EXOC6B: variants seen among roughly 807,000 people sequenced by gnomAD.
The protein encoded by EXOC6B is exocyst complex component 6B.
EXOC6B carries 54 observed loss-of-function variants against 113.5 expected under a neutral mutation model. The observed-to-expected ratio is 0.48, with a 90% CI of 0.38 to 0.60. The LOEUF (loss-of-function observed/expected upper bound fraction) is 0.60. Ranked by LOEUF, EXOC6B falls within the 20% of genes least tolerant of loss-of-function variation. The pLI is 0.00. For synonymous variants in EXOC6B, 357 were observed against 339.0 expected (o/e 1.05, Z -0.58); for missense variants, 797 against 977.5 (o/e 0.82, Z 2.46).
At chr2:72,183,612 T>C (rs1273479135) in intron 21 of EXOC6B, among the ~76,000 whole-genome samples, 2 of 152,058 alleles carry the variant, frequency 1.3e-5, no homozygotes, top group Non-Finnish European at 2.9e-5. Context: ...AGATGAAGGT[T>C]TCAATAATTC....
intron 20 of EXOC6B, among the ~76,000 whole-genome samples, chr2:72,206,735 C>A (rs1239316221): frequency 6.6e-6 from 1 of 152,076 alleles, no homozygotes; most frequent in Non-Finnish European, 1.5e-5. Context: ...TAAGGATACA[C>A]TTTATAATAA....
At chr2:72,315,866 T>G (rs1687484689) in intron 20 of EXOC6B, among the ~76,000 whole-genome samples, 1 of 152,202 alleles carries the variant, frequency 6.6e-6, no homozygotes, top group East Asian at 1.9e-4. Flanking sequence ...AATGTTCTAT[T>G]ATCATAACTG....
At chr2:72,811,761 A>G (rs1230202381) in intron 1 of EXOC6B, among the ~76,000 whole-genome samples, 5 of 152,334 alleles carry the variant, frequency 3.3e-5, no homozygotes, top group African/African-American at 7.2e-5. Flanking sequence ...GGTTCATTCA[A>G]TGTTCAAAAC....
chr2:72,615,602 A>C (rs1170192929), intron 6 of EXOC6B, among the ~76,000 whole-genome samples: 2 of 151,916 alleles, frequency 1.3e-5, no homozygotes, highest in Admixed American at 6.6e-5. Flanking sequence ...AAAAAAAAAA[A>C]AAACCACTGT....
intron 20 of EXOC6B, among the ~76,000 whole-genome samples, chr2:72,226,787 G>C (rs1681270466): frequency 6.6e-6 from 1 of 152,190 alleles, no homozygotes; most frequent in African/African-American, 2.4e-5. Flanking sequence ...AGTAGACCTG[G>C]CACATCAGTG....
At chr2:72,438,248 A>C (rs1347987623) in intron 18 of EXOC6B, among the ~76,000 whole-genome samples, 1 of 152,120 alleles carries the variant, frequency 6.6e-6, no homozygotes, top group Non-Finnish European at 1.5e-5. Context: ...TCAATCAGAA[A>C]AACACCAGAA....
chr2:72,475,011 T>C (rs956897341), intron 17 of EXOC6B, among the ~76,000 whole-genome samples: 3 of 152,298 alleles, frequency 2.0e-5, no homozygotes, highest in South Asian at 4.1e-4. Context: ...TTCCTTCAGG[T>C]ATAAATAGTA....
At chr2:72,774,913 C>T (rs533179749) in intron 1 of EXOC6B, among the ~76,000 whole-genome samples, 2 of 152,286 alleles carry the variant, frequency 1.3e-5, no homozygotes, top group South Asian at 2.1e-4. Flanking sequence ...CCCTCCCTAC[C>T]AGGTTCAATA....
chr2:72,294,220 A>C (rs1018281174), intron 20 of EXOC6B, among the ~76,000 whole-genome samples: 2 of 152,140 alleles, frequency 1.3e-5, no homozygotes, highest in African/African-American at 2.4e-5. Flanking sequence ...AAAGATAAAC[A>C]GAAAGAAAAG....
chr2:72,445,266 A>G (rs113985187), intron 18 of EXOC6B, among the ~76,000 whole-genome samples: 1,817 of 152,284 alleles, frequency 0.012, 58 homozygotes, highest in African/African-American at 0.042. Context: ...CCTCAGCCTG[A>G]ACCTTATTGT....
intron 8 of EXOC6B, among the ~76,000 whole-genome samples, chr2:72,528,778 C>A (rs777009854): frequency 6.6e-5 from 10 of 151,952 alleles, no homozygotes; most frequent in Non-Finnish European, 1.3e-4. Flanking sequence ...CTAAGTATTT[C>A]TTTTTGTTAA....
intron 3 of EXOC6B, among the ~76,000 whole-genome samples, chr2:72,731,911 TAACAGAG>T (rs1410629290): frequency 6.6e-6 from 1 of 152,198 alleles, no homozygotes; most frequent in African/African-American, 2.4e-5. Flanking sequence ...AGAAGCATGA[TAACAGAG>T]AACAGTCATG....
intron 20 of EXOC6B, among the ~76,000 whole-genome samples, chr2:72,196,835 C>T (rs2104311079): frequency 6.6e-6 from 1 of 152,266 alleles, no homozygotes; most frequent in South Asian, 2.1e-4. Context: ...CGAGCCACTT[C>T]AAGTCTACTT....
intron 3 of EXOC6B, among the ~76,000 whole-genome samples, chr2:72,731,748 T>G (rs532976393): frequency 6.6e-6 from 1 of 152,372 alleles, no homozygotes; most frequent in Non-Finnish European, 1.5e-5. Context: ...CTTGCAGCAT[T>G]CATCCTATAC....
chr2:72,746,585 C>G (rs867370895), intron 1 of EXOC6B, among the ~76,000 whole-genome samples: 1 of 151,988 alleles, frequency 6.6e-6, no homozygotes, highest in African/African-American at 2.4e-5. Context: ...CAAATATTTA[C>G]CATTCACCTG....
intron 1 of EXOC6B, among the ~76,000 whole-genome samples, chr2:72,823,773 C>T (rs537706770): frequency 6.6e-6 from 1 of 151,386 alleles, no homozygotes; most frequent in African/African-American, 2.4e-5. Context: ...AGAGTGAGAC[C>T]CTGTCCCAAA....
chr2:72,815,896 G>C (rs1222242566), intron 1 of EXOC6B, among the ~76,000 whole-genome samples: 1 of 152,166 alleles, frequency 6.6e-6, no homozygotes, highest in Admixed American at 6.5e-5. Context: ...CAGTGGCTCA[G>C]GCATGTAATC....
intron 19 of EXOC6B, among the ~76,000 whole-genome samples, chr2:72,337,426 T>C (rs1261022333): frequency 4.6e-5 from 7 of 152,160 alleles, no homozygotes; most frequent in Non-Finnish European, 7.4e-5. Flanking sequence ...CCATCCTATA[T>C]ATGTCCAACT....
chr2:72,771,922 G>C (rs1276450298), intron 1 of EXOC6B, among the ~76,000 whole-genome samples: 1 of 152,148 alleles, frequency 6.6e-6, no homozygotes, highest in Non-Finnish European at 1.5e-5. Flanking sequence ...AAACTGAGGA[G>C]CGATGTCAGC....
Sources: allele counts gnomAD v4.1 joint callset (sites outside exome capture counted in the v4.1 genomes callset), GRCh38; gene constraint gnomAD v4.1.1; transcripts MANE v1.5; gene names NCBI Gene and HGNC (gene_info 2026-07-23, HGNC 2026-07-21).